The following RNF6 variants were observed in gnomAD, a reference collection of about 807,000 sequenced individuals.
RNF6 encodes ring finger protein 6.
RNF6 carries 21 observed loss-of-function variants against 50.1 expected under a neutral mutation model. The observed-to-expected ratio is 0.42, with a 90% confidence interval of 0.30 to 0.60. The LOEUF is 0.60. Ranked by LOEUF, RNF6 falls within the 20% of genes least tolerant of loss-of-function variation. The pLI is 0.20. For missense variants in RNF6, 698 were observed against 838.2 expected (o/e 0.83, Z 2.07); for synonymous variants, 255 against 291.8 (o/e 0.87, Z 1.29).
At position 26,173,693 on chromosome 13, in the gene RNF6, G is replaced by GA. The variant is rs577539572; in HGVS notation, n.769-41243dup. ...TTATCTCCAGTGATTTATTTCTTTG[G>GA]AAAAAAAAAAAGCATTTGGGAGGCC... On this transcript the variant is annotated intron_variant and non_coding_transcript_variant, in intron 5 of 5. Transcript: ENST00000468480. 7.9e-3 allele frequency among the ~76,000 whole-genome samples: 1,183 copies of GA among 150,526 alleles called. 13 individuals carry two copies. Among genetic ancestry groups the GA allele is most frequent in the African/African-American group, 0.027 (1,121 of 41,050 alleles).
At chr13:26,174,722 G>T (rs905503854) in intron 5 of RNF6, among the ~76,000 whole-genome samples, 1 of 152,098 alleles carries the variant, frequency 6.6e-6, no homozygotes, top group African/African-American at 2.4e-5. Flanking sequence ...GTTGCCACTC[G>T]GCACAAACGG....
chr13:26,150,316 T>C (rs946195639), intron 5 of RNF6, among the ~76,000 whole-genome samples: 2 of 151,986 alleles, frequency 1.3e-5, no homozygotes, highest in Non-Finnish European at 2.9e-5. Flanking sequence ...CTTTACAGGA[T>C]GGGTTGAAGC....
intron 5 of RNF6, among the ~76,000 whole-genome samples, chr13:26,156,368 G>A (rs1011547724): frequency 2.0e-5 from 3 of 152,142 alleles, no homozygotes; most frequent in Non-Finnish European, 2.9e-5. Context: ...GCTTACATAA[G>A]GTTTAAAAGT....
intron 5 of RNF6, among the ~76,000 whole-genome samples, chr13:26,164,941 G>A (rs1054641543): frequency 1.3e-5 from 2 of 152,160 alleles, no homozygotes; most frequent in African/African-American, 4.8e-5. Flanking sequence ...CAAGCCAGCT[G>A]CAGAAATTTG....
chr13:26,174,496 C>A (rs983302625), intron 5 of RNF6, among the ~76,000 whole-genome samples: 24 of 149,272 alleles, frequency 1.6e-4, no homozygotes, highest in Non-Finnish European at 2.8e-4. Flanking sequence ...ACTAAAAATA[C>A]AAAAAAAAAA....
chr13:26,196,821 G>T (rs1868685996), intron 5 of RNF6, among the ~76,000 whole-genome samples: 1 of 151,812 alleles, frequency 6.6e-6, no homozygotes, highest in Non-Finnish European at 1.5e-5. Flanking sequence ...AATATACAAG[G>T]CTGCATCCCT....
chr13:26,191,321 C>A (rs1328468469), intron 5 of RNF6, among the ~76,000 whole-genome samples: 1 of 152,150 alleles, frequency 6.6e-6, no homozygotes, highest in Non-Finnish European at 1.5e-5. Context: ...AAGCCACTAT[C>A]CTGTTCAAGT....
At chr13:26,198,814 A>C (rs76392965) in intron 5 of RNF6, among the ~76,000 whole-genome samples, 1 of 151,988 alleles carries the variant, frequency 6.6e-6, no homozygotes, top group African/African-American at 2.4e-5. Flanking sequence ...AAATACAAAA[A>C]TCAATTGTAC....
chr13:26,217,360 G>C (rs140115641), intron 4 of RNF6, among the ~76,000 whole-genome samples: 4 of 152,224 alleles, frequency 2.6e-5, no homozygotes, highest in African/African-American at 9.7e-5. Flanking sequence ...TGATGATGGT[G>C]CATGTGAAAG....
At chr13:26,183,882 A>G (rs1161752227) in intron 5 of RNF6, among the ~76,000 whole-genome samples, 3 of 89,316 alleles carry the variant, frequency 3.4e-5, no homozygotes, top group Non-Finnish European at 6.4e-5. Context: ...TATAAAATAT[A>G]GGTTTTTTTA....
intron 5 of RNF6, among the ~76,000 whole-genome samples, chr13:26,188,117 G>A (rs1238897541): frequency 1.3e-5 from 2 of 152,188 alleles, no homozygotes; most frequent in African/African-American, 4.8e-5. Context: ...TTTGCAGGCT[G>A]CCATCCAGAC....
At chr13:26,189,960 A>G (rs1868393990) in intron 5 of RNF6, among the ~76,000 whole-genome samples, 1 of 152,198 alleles carries the variant, frequency 6.6e-6, no homozygotes, top group Non-Finnish European at 1.5e-5. Flanking sequence ...CACAAATTTG[A>G]TGGATTAAAA....
At position 26,214,168 on chromosome 13, in the gene RNF6, G is replaced by T; in HGVS notation, c.1714C>A (p.Arg572=). ...NSDSRGGRQL[R]NPNNLVETGT... Reference sequence around the variant, plus strand: ...GTTTCAACTAAATTGTTTGGATTTCGCAACTGCCTGCCACCCCTACTGTCA... The same window carrying T: ...GTTTCAACTAAATTGTTTGGATTTCTCAACTGCCTGCCACCCCTACTGTCA... The change falls in exon 5 of 5, where the codon CGA becomes AGA. Residue 572 remains arginine (R), a synonymous_variant. Transcript: ENST00000381588. The T allele has an allele frequency of 6.2e-7, 1 of 1,614,128 alleles. No homozygotes were observed. Among genetic ancestry groups the T allele is most frequent in the Non-Finnish European group, 8.5e-7 (1 of 1,180,022 alleles).
intron 5 of RNF6, among the ~76,000 whole-genome samples, chr13:26,146,988 T>C (rs1871284643): frequency 6.6e-6 from 1 of 152,188 alleles, no homozygotes; most frequent in Admixed American, 6.5e-5. Context: ...ATGATTCTTG[T>C]ACAGCCTGCA....
At chr13:26,146,336 T>C (rs1359433195) in intron 5 of RNF6, among the ~76,000 whole-genome samples, 1 of 152,246 alleles carries the variant, frequency 6.6e-6, no homozygotes, top group East Asian at 1.9e-4. Context: ...TAACCACATC[T>C]ACCTTGCCTT....
intron 5 of RNF6, among the ~76,000 whole-genome samples, chr13:26,192,870 G>A (rs1306437812): frequency 2.0e-5 from 3 of 152,236 alleles, no homozygotes; most frequent in Non-Finnish European, 2.9e-5. Context: ...AGAGAACCTA[G>A]CTAAGACATG....
chr13:26,190,413 A>G (rs532594934), intron 5 of RNF6, among the ~76,000 whole-genome samples: 1 of 152,332 alleles, frequency 6.6e-6, no homozygotes, highest in South Asian at 2.1e-4. Context: ...TCTACCTATC[A>G]TAGTTATCTC....
rs548168311 is a variant in RNF6 at position 26,145,356 on chromosome 13, T to C, written n.769-12905A>G. Among the ~76,000 whole-genome samples, 34 of 151,530 alleles carry C rather than the reference T, an allele frequency of 2.2e-4. No homozygotes were observed. In the South Asian group the frequency reaches 6.7e-3, roughly 30 times the overall value. Reference sequence around the variant, plus strand: ...TCTTTCAAGTCCTTGATGGGTGATCTGGTTTGGCTTTGTGTCCCCACCCAA... The same window carrying C: ...TCTTTCAAGTCCTTGATGGGTGATCCGGTTTGGCTTTGTGTCCCCACCCAA... On this transcript the variant is annotated intron_variant and non_coding_transcript_variant, in intron 5 of 5. Transcript: ENST00000468480.
intron 5 of RNF6, among the ~76,000 whole-genome samples, chr13:26,176,337 T>C (rs1226637639): frequency 1.3e-5 from 2 of 152,178 alleles, no homozygotes; most frequent in Non-Finnish European, 2.9e-5. Flanking sequence ...TCACCCAGGC[T>C]GGAGTGCAAT....
Sources: allele counts gnomAD v4.1 joint callset (sites outside exome capture counted in the v4.1 genomes callset), GRCh38; gene constraint gnomAD v4.1.1; transcripts MANE v1.5; gene names NCBI Gene and HGNC (gene_info 2026-07-23, HGNC 2026-07-21).